Variants in DRC8 observed in about 807,000 individuals in gnomAD.
The protein encoded by DRC8 is dynein regulatory complex protein 8.
At chr1:245,002,508 T>G in the DRC8 span, among the ~76,000 whole-genome samples, 2 of 152,196 alleles carry the variant, frequency 1.3e-5, no homozygotes, top group Admixed American at 1.3e-4. Context: ...AATTTGAACT[T>G]TTCCTTATGT....
the DRC8 span, chr1:245,059,301 C>A: frequency 1.1e-6 from 1 of 940,460 alleles, no homozygotes; most frequent in Non-Finnish European, 1.7e-6. Flanking sequence ...TCCTACATTA[C>A]AAAATATGCT....
At chr1:245,037,336 G>T in the DRC8 span, among the ~76,000 whole-genome samples, 5 of 152,174 alleles carry the variant, frequency 3.3e-5, no homozygotes, top group African/African-American at 1.2e-4. Flanking sequence ...TCTGTGTTGG[G>T]AAGTTTATTA....
At chr1:245,025,492 C>T in the DRC8 span, among the ~76,000 whole-genome samples, 5 of 152,040 alleles carry the variant, frequency 3.3e-5, no homozygotes, top group Non-Finnish European at 7.4e-5. Flanking sequence ...TTTAACACTC[C>T]ATTCTAATCA....
At chr1:245,019,665 A>G in the DRC8 span, among the ~76,000 whole-genome samples, 1 of 151,942 alleles carries the variant, frequency 6.6e-6, no homozygotes, top group South Asian at 2.1e-4. Context: ...GAGCCACTGC[A>G]CTCGGCCACT....
the DRC8 span, among the ~76,000 whole-genome samples, chr1:245,049,386 T>TCA: frequency 1.2e-4 from 18 of 152,304 alleles, no homozygotes; most frequent in East Asian, 3.5e-3. This position sits in a 1 kb window ranked among gnomAD's most constrained non-coding sequence, Gnocchi z 4.5. Flanking sequence ...TGGGTTAAGG[T>TCA]GTCATTTGGC....
the DRC8 span, among the ~76,000 whole-genome samples, chr1:245,110,634 A>G: frequency 2.6e-5 from 4 of 152,272 alleles, no homozygotes. Flanking sequence ...GCCTTTGCCC[A>G]AATCAAGGAG....
the DRC8 span, among the ~76,000 whole-genome samples, chr1:245,033,319 C>T: frequency 2.9e-3 from 441 of 152,340 alleles, 1 homozygote; most frequent in African/African-American, 0.01. Flanking sequence ...CTTTCCTGGG[C>T]ACTTACCCTG....
At chr1:245,093,463 C>T in the DRC8 span, among the ~76,000 whole-genome samples, 1 of 151,914 alleles carries the variant, frequency 6.6e-6, no homozygotes, top group African/African-American at 2.4e-5. Flanking sequence ...CTTTGGGAGG[C>T]TGAGGTGAGC....
the DRC8 span, among the ~76,000 whole-genome samples, chr1:245,065,720 C>A: frequency 1.3e-5 from 2 of 151,978 alleles, no homozygotes; most frequent in South Asian, 4.1e-4. Context: ...CTTTAAACTT[C>A]ATCACTGGGT....
chr1:245,004,773 G>A, the DRC8 span, among the ~76,000 whole-genome samples: 1 of 152,200 alleles, frequency 6.6e-6, no homozygotes, highest in African/African-American at 2.4e-5. Context: ...TAAGTATGAT[G>A]TTAGTTGTGA....
the DRC8 span, among the ~76,000 whole-genome samples, chr1:245,054,736 C>A: frequency 2.6e-5 from 4 of 152,214 alleles, no homozygotes; most frequent in Non-Finnish European, 5.9e-5. Context: ...GGCTTCATGA[C>A]CGGATCCACG....
At chr1:245,095,127 A>T in the DRC8 span, among the ~76,000 whole-genome samples, 2 of 152,184 alleles carry the variant, frequency 1.3e-5, no homozygotes, top group Non-Finnish European at 2.9e-5. Flanking sequence ...AACATCACAC[A>T]ACCGGAACAG....
At chr1:245,103,741 G>A in the DRC8 span, among the ~76,000 whole-genome samples, 1 of 152,116 alleles carries the variant, frequency 6.6e-6, no homozygotes, top group East Asian at 1.9e-4. Flanking sequence ...CCGGAGGAGG[G>A]TGGTCTGGGA....
At chr1:244,979,028 G>A in the DRC8 span, among the ~76,000 whole-genome samples, 98 of 152,154 alleles carry the variant, frequency 6.4e-4, no homozygotes, top group African/African-American at 2.4e-3. Context: ...GGGTGCCTGG[G>A]GAGAGTCACC....
the DRC8 span, among the ~76,000 whole-genome samples, chr1:245,024,547 T>TTC: frequency 2.9e-5 from 4 of 139,406 alleles, no homozygotes; most frequent in Non-Finnish European, 4.8e-5. Flanking sequence ...TTTCTTTTCT[T>TTC]TCTCTTTTTT....
chr1:245,043,383 A>G, the DRC8 span, among the ~76,000 whole-genome samples: 1 of 151,846 alleles, frequency 6.6e-6, no homozygotes, highest in East Asian at 1.9e-4. Context: ...CAGTGAGCCG[A>G]GATTATGCCA....
chr1:245,033,129 C>T, the DRC8 span, among the ~76,000 whole-genome samples: 1 of 152,314 alleles, frequency 6.6e-6, no homozygotes, highest in African/African-American at 2.4e-5. Context: ...GTACTGCATG[C>T]GAAGGAGCAG....
At chr1:245,069,715 T>A in the DRC8 span, among the ~76,000 whole-genome samples, 1 of 152,174 alleles carries the variant, frequency 6.6e-6, no homozygotes, top group Non-Finnish European at 1.5e-5. Flanking sequence ...ACAATGTACA[T>A]GTAGTTAACA....
At chr1:245,110,209 C>G in the DRC8 span, among the ~76,000 whole-genome samples, 765 of 152,142 alleles carry the variant, frequency 5.0e-3, 6 homozygotes, top group African/African-American at 0.018. Flanking sequence ...ATGGTGAAAC[C>G]TCATCTCTAT....
Sources: allele counts gnomAD v4.1 joint callset (sites outside exome capture counted in the v4.1 genomes callset), GRCh38; gene constraint gnomAD v4.1.1; non-coding constraint Gnocchi (gnomAD v3.1); transcripts MANE v1.5; gene names NCBI Gene and HGNC (gene_info 2026-07-23, HGNC 2026-07-21).